Variants in GRID2 observed in about 807,000 individuals in gnomAD.
GRID2 encodes the protein glutamate ionotropic receptor delta type subunit 2.
GRID2 carries 33 observed loss-of-function variants against 114.8 expected under a neutral mutation model. The ratio of observed to expected loss-of-function variants is 0.29; its 90% CI spans 0.22 to 0.38. GRID2 has a LOEUF of 0.38. Ranked by LOEUF, GRID2 falls within the 10% of genes least tolerant of loss-of-function variation. The pLI is 1.00. For synonymous variants in GRID2, 505 were observed against 449.9 expected (o/e 1.12, Z -1.55); for missense variants, 1,184 against 1,257.7 (o/e 0.94, Z 0.89).
intron 9 of GRID2, among the ~76,000 whole-genome samples, chr4:93,398,786 T>A (rs901285586): frequency 2.7e-5 from 4 of 150,908 alleles, no homozygotes; most frequent in Non-Finnish European, 5.9e-5. Context: ...TATGATGGAC[T>A]TATCAGTTGG....
Position 93,632,349 on chromosome 4 carries a change from G to A in GRID2, c.2360+5914G>A, listed in dbSNP as rs143356505. 3.9e-3 allele frequency among the ~76,000 whole-genome samples: 590 copies of A among 152,264 alleles called. 2 individuals carry two copies. Among genetic ancestry groups the A allele is most frequent in the African/African-American group, 0.013 (552 of 41,548 alleles). On this transcript the variant is annotated intron_variant, in intron 14 of 15. Coordinates refer to ENST00000282020, the MANE Select transcript of GRID2 (RefSeq NM_001510.4). ...TTCTTCTAGGGTTTTTATGGTTTTA[G>A]GTCTAACATTGAAGTCTTTGATCCA...
intron 1 of GRID2, among the ~76,000 whole-genome samples, chr4:92,317,513 C>A (rs964655730): frequency 1.3e-5 from 2 of 152,086 alleles, no homozygotes; most frequent in Non-Finnish European, 2.9e-5. Context: ...TAATAAATAG[C>A]AAAACTGGCT....
chr4:93,181,588 C>T (rs190524166), intron 4 of GRID2, among the ~76,000 whole-genome samples: 59 of 152,290 alleles, frequency 3.9e-4, no homozygotes, highest in African/African-American at 1.3e-3. Context: ...TAGCCACCAT[C>T]GTCAATGATC....
intron 2 of GRID2, among the ~76,000 whole-genome samples, chr4:92,898,952 A>G (rs1192837577): frequency 6.6e-6 from 1 of 152,170 alleles, no homozygotes; most frequent in East Asian, 1.9e-4. Flanking sequence ...TTTTCCAATT[A>G]CAAAGAGTTT....
At chr4:92,559,827 C>T (rs1727029573) in intron 1 of GRID2, among the ~76,000 whole-genome samples, 2 of 152,086 alleles carry the variant, frequency 1.3e-5, no homozygotes, top group African/African-American at 4.8e-5. Flanking sequence ...AACACTGAGA[C>T]CAAATCATAA....
chr4:93,381,395 T>G (rs1560562087), intron 8 of GRID2, among the ~76,000 whole-genome samples: 1 of 152,152 alleles, frequency 6.6e-6, no homozygotes, highest in Non-Finnish European at 1.5e-5. Context: ...TGTTGTAGTA[T>G]TTCTATCCTT....
At chr4:93,185,381 A>C (rs2149440492) in intron 4 of GRID2, among the ~76,000 whole-genome samples, 1 of 152,340 alleles carries the variant, frequency 6.6e-6, no homozygotes, top group Non-Finnish European at 1.5e-5. Context: ...AAAGAAGATA[A>C]TAAAATCAGC....
intron 2 of GRID2, among the ~76,000 whole-genome samples, chr4:92,742,047 C>T (rs1412612385): frequency 6.6e-6 from 1 of 151,958 alleles, no homozygotes; most frequent in Non-Finnish European, 1.5e-5. Flanking sequence ...AAATGTCATT[C>T]TTTTTTAAAT....
intron 8 of GRID2, among the ~76,000 whole-genome samples, chr4:93,343,360 T>C (rs1759859013): frequency 6.6e-6 from 1 of 152,146 alleles, no homozygotes; most frequent in Non-Finnish European, 1.5e-5. Flanking sequence ...AGTGTCATAG[T>C]AGTTGCATAC....
At chr4:93,388,684 G>C (rs1344086573) in intron 8 of GRID2, among the ~76,000 whole-genome samples, 1 of 152,202 alleles carries the variant, frequency 6.6e-6, no homozygotes, top group Non-Finnish European at 1.5e-5. Context: ...TTAAGCAGAT[G>C]TTATAATCTC....
At chr4:93,302,393 C>T (rs1033294440) in intron 8 of GRID2, among the ~76,000 whole-genome samples, 1 of 152,180 alleles carries the variant, frequency 6.6e-6, no homozygotes, top group African/African-American at 2.4e-5. Context: ...CTGAAAGCCC[C>T]ATGGGCCGCA....
At position 92,575,751 on chromosome 4, in the gene GRID2, C is replaced by T. The variant is rs139705468; in HGVS notation, c.89-14380C>T. ...AGTCCTTGGGCAACTCTTCAGCTCCCAATCCTTTAGGGCTCTCGAAGGCCC... is the reference window on the plus strand; with the variant it reads ...AGTCCTTGGGCAACTCTTCAGCTCCTAATCCTTTAGGGCTCTCGAAGGCCC... On this transcript the variant is annotated intron_variant, in intron 1 of 15. Coordinates refer to ENST00000282020, the MANE Select transcript of GRID2 (RefSeq NM_001510.4). 6.7e-3 allele frequency among the ~76,000 whole-genome samples: 1,026 copies of T among 152,264 alleles called. 10 individuals are homozygous for T. The highest frequency in any genetic ancestry group is 0.022 in the African/African-American group (894 of 41,562).
intron 8 of GRID2, among the ~76,000 whole-genome samples, chr4:93,348,503 G>A (rs988153373): frequency 6.6e-6 from 1 of 152,266 alleles, no homozygotes; most frequent in South Asian, 2.1e-4. Context: ...GAAGCAAAGT[G>A]TTTAAATCAT....
At chr4:93,623,933 T>C (rs968290043) in intron 13 of GRID2, among the ~76,000 whole-genome samples, 9 of 152,154 alleles carry the variant, frequency 5.9e-5, no homozygotes, top group Non-Finnish European at 1.2e-4. Flanking sequence ...ACATTTTGTA[T>C]TGGAGAATCT....
At chr4:92,865,198 C>A (rs1465387992) in intron 2 of GRID2, among the ~76,000 whole-genome samples, 1 of 152,124 alleles carries the variant, frequency 6.6e-6, no homozygotes, top group Non-Finnish European at 1.5e-5. Flanking sequence ...TGTTTATTTT[C>A]AAAAACTCCT....
At chr4:93,163,385 T>TGTATATATATATATAC in intron 4 of GRID2, among the ~76,000 whole-genome samples, 1 of 45,246 alleles carries the variant, frequency 2.2e-5, no homozygotes, top group African/African-American at 8.4e-5. Context: ...TATATATATA[T>TGTATATATATATATAC]ATATATATAT....
intron 14 of GRID2, among the ~76,000 whole-genome samples, chr4:93,764,492 T>G (rs1474542169): frequency 2.0e-5 from 3 of 152,156 alleles, no homozygotes; most frequent in Admixed American, 6.6e-5. Context: ...TAAGTCTAGC[T>G]TTAGAGTTGC....
chr4:92,884,322 C>T (rs536509013), intron 2 of GRID2, among the ~76,000 whole-genome samples: 5 of 152,228 alleles, frequency 3.3e-5, no homozygotes, highest in South Asian at 2.1e-4. Context: ...TGTTGTGGCT[C>T]GTTTGATCTT....
rs190580345 is a variant in GRID2, at chr4:93,305,509, G to T, written c.1245+67019G>T. 1.3e-3 allele frequency among the ~76,000 whole-genome samples: 194 copies of T among 152,182 alleles called. 3 individuals carry two copies. The highest frequency in any genetic ancestry group is 4.6e-3 in the African/African-American group (192 of 41,532). ...GGTAGAGTAAGGATAGTTTTAGGAG[G>T]TTCTTTCAATATTGAGAGAGGTTTA... On this transcript the variant is annotated intron_variant, in intron 8 of 15. Transcript: ENST00000282020.
Sources: gnomAD v4.1 joint callset for allele counts (sites outside exome capture counted in the v4.1 genomes callset) on GRCh38, gnomAD v4.1.1 for gene constraint, MANE v1.5 for transcripts, NCBI Gene and HGNC (gene_info 2026-07-23, HGNC 2026-07-21) for gene names.